The following USP49 variants were observed in gnomAD, a reference collection of about 807,000 sequenced individuals.
The protein encoded by USP49 is ubiquitin specific peptidase 49.
Under a neutral mutation model 58.6 loss-of-function variants are expected in USP49, and 24 were observed. The observed-to-expected ratio is 0.41, with a 90% CI of 0.30 to 0.58. The LOEUF (loss-of-function observed/expected upper bound fraction) is 0.58. Among genes scored for constraint, USP49 ranks in the 20% least tolerant of loss-of-function variants. USP49 has a pLI of 0.30. For synonymous variants in USP49, 408 were observed against 365.1 expected (o/e 1.12, Z -1.34); for missense variants, 703 against 866.1 (o/e 0.81, Z 2.36).
rs1302870115 is a variant in USP49, at chr6:41,848,318, C to T, written c.-29+23246G>A. ...AGGGACAAAAAAGCTACAAAATATACCAAAAACAATTAACAAAATGGCAAT... is the reference window on the plus strand; with the variant it reads ...AGGGACAAAAAAGCTACAAAATATATCAAAAACAATTAACAAAATGGCAAT... On this transcript the variant is annotated intron_variant, in intron 3 of 7. Transcript: ENST00000682992. Among the ~76,000 whole-genome samples, 5 of 151,996 alleles carry T rather than the reference C, an allele frequency of 3.3e-5. No homozygotes were observed. The East Asian group carries it at 5.8e-4, about 18-fold the overall frequency.
chr6:41,808,787 A>T (rs958319829), intron 3 of USP49, among the ~76,000 whole-genome samples: 6 of 152,162 alleles, frequency 3.9e-5, no homozygotes, highest in Non-Finnish European at 8.8e-5. Flanking sequence ...ACCAGAACTT[A>T]AAATTCCTTA....
rs1428798509 is a variant in USP49, at chr6:41,795,106, A to G, written c.*1427T>C. On this transcript the variant is annotated 3_prime_UTR_variant, in exon 8 of 8. Transcript: ENST00000682992. ...AAGTGACAACTGTACTTCTACCTGA[A>G]TTCAAACATTAATATGATATACTCA... The G allele has an allele frequency of 3.3e-5, 5 of 152,248 alleles. No homozygotes were observed. Among genetic ancestry groups the G allele is most frequent in the Non-Finnish European group, 7.3e-5 (5 of 68,040 alleles). The allele number at this position is 152,248 out of a possible 1,614,324, so 9.4% of individuals were successfully genotyped here. A position where few individuals can be genotyped will look rare whatever the true frequency, so the allele number is the denominator to read the frequency against.
intron 5 of USP49, among the ~76,000 whole-genome samples, chr6:41,802,705 T>A (rs765599692): frequency 3.2e-4 from 49 of 151,980 alleles, no homozygotes; most frequent in Non-Finnish European, 6.6e-4. Flanking sequence ...TCCAAATCTA[T>A]ATATGCCACA....
chr6:41,866,691 G>A (rs1262844176), intron 3 of USP49, among the ~76,000 whole-genome samples: 1 of 152,142 alleles, frequency 6.6e-6, no homozygotes, highest in Non-Finnish European at 1.5e-5. Context: ...ATCTTCTAAA[G>A]TCTGGATTAA....
chr6:41,886,194 AGGTG>A (rs1774707913), intron 2 of USP49, among the ~76,000 whole-genome samples: 1 of 152,240 alleles, frequency 6.6e-6, no homozygotes, highest in African/African-American at 2.4e-5. Flanking sequence ...CAATTGATAT[AGGTG>A]GTTGTATTAG....
intron 3 of USP49, among the ~76,000 whole-genome samples, chr6:41,835,707 TAAAAAAAAAAACAGAA>T (rs1561913126): frequency 1.0e-5 from 1 of 100,124 alleles, no homozygotes; most frequent in East Asian, 2.7e-4. Context: ...AGTGAGACTC[TAAAAAAAAAAACAGAA>T]AAAAAAACAC....
At chr6:41,808,303 A>G (rs1482975267) in intron 3 of USP49, among the ~76,000 whole-genome samples, 1 of 152,164 alleles carries the variant, frequency 6.6e-6, no homozygotes, top group Non-Finnish European at 1.5e-5. Flanking sequence ...AAACAGTAGA[A>G]CATCCTAAGC....
Position 41,798,824 on chromosome 6 carries a change from G to A in USP49, c.1776C>T (p.Asp592=), listed in dbSNP as rs142908633. The change falls in exon 7 of 8, where the codon GAC becomes GAT. Residue 592 remains aspartate (D), a synonymous_variant. Coordinates refer to ENST00000682992, the MANE Select transcript of USP49 (RefSeq NM_001286554.2). ...AGAGATCATAGGCAAAGGTCTCTTT[G>A]TCAAGAGAGGAGAGCATGTCCCTGC... The part of the protein sequence containing the change: ...YCCRDMLSSL[D]KETFAYDLSA... 6.2e-7 allele frequency: 1 copy of A among 1,613,930 alleles called. No individual in the cohort carries two copies. Among genetic ancestry groups the A allele is most frequent in the Non-Finnish European group, 8.5e-7 (1 of 1,179,994 alleles).
chr6:41,843,380 A>G (rs1223464173), intron 3 of USP49, among the ~76,000 whole-genome samples: 4 of 152,226 alleles, frequency 2.6e-5, no homozygotes, highest in Non-Finnish European at 5.9e-5. Context: ...AAAAAAGTGC[A>G]TCATCACGTT....
rs117098754 is a variant in USP49, at chr6:41,835,898, A to G, written c.-28-28887T>C. Among the ~76,000 whole-genome samples the G allele has an allele frequency of 8.0e-4, 121 of 152,042 alleles. 1 individual carries two copies. The East Asian group carries it at 0.023, about 29-fold the overall frequency. ...AGATCAGCCTGAGGAAGATGGTGAG[A>G]CCATCTCTACAAAAATAAAAAATAA... On this transcript the variant is annotated intron_variant, in intron 3 of 7. Transcript: ENST00000682992.
rs201890224 is a variant in USP49 at position 41,863,700 on chromosome 6, C to CCTA, written c.-29+7861_-29+7863dup. 6.2e-3 allele frequency among the ~76,000 whole-genome samples: 937 copies of CCTA among 152,252 alleles called. 7 individuals carry two copies. Among genetic ancestry groups the CCTA allele is most frequent in the African/African-American group, 0.02 (817 of 41,542 alleles). Reference sequence around the variant, plus strand: ...TGATAGTGCCTAGCACGTGATAGTGCCTAGCATATAGAAGGTGCTCAAAAA... The same window carrying CCTA: ...TGATAGTGCCTAGCACGTGATAGTGCCTACTAGCATATAGAAGGTGCTCAAAAA... On this transcript the variant is annotated intron_variant, in intron 3 of 7. Transcript: ENST00000682992.
intron 3 of USP49, among the ~76,000 whole-genome samples, chr6:41,861,859 C>T (rs966859395): frequency 6.6e-6 from 1 of 152,012 alleles, no homozygotes; most frequent in Non-Finnish European, 1.5e-5. Flanking sequence ...CCACCATGCC[C>T]GGCTAATTTT....
chr6:41,799,962 G>C, intron 5 of USP49, 24 bp from the exon 6 acceptor site: 1 of 1,606,934 alleles, frequency 6.2e-7, no homozygotes, highest in Non-Finnish European at 8.5e-7. Context: ...GAAGGTATAA[G>C]ACATAGGTTG....
chr6:41,880,320 G>A (rs1582037583), intron 2 of USP49, among the ~76,000 whole-genome samples: 2 of 152,128 alleles, frequency 1.3e-5, no homozygotes, highest in African/African-American at 4.8e-5. Flanking sequence ...AGTATTGAGA[G>A]TTCGAGAGGA....
chr6:41,812,165 C>T (rs954979532), intron 3 of USP49, among the ~76,000 whole-genome samples: 3 of 151,880 alleles, frequency 2.0e-5, no homozygotes, highest in African/African-American at 7.3e-5. Flanking sequence ...CCACAATCTC[C>T]GCCTCCCGAG....
At position 41,806,610 on chromosome 6, in the gene USP49, T is replaced by G; in HGVS notation, c.374A>C (p.Asp125Ala). The G allele has an allele frequency of 6.2e-7, 1 of 1,609,990 alleles. No homozygotes were observed. The highest frequency in any genetic ancestry group is 2.2e-5 in the East Asian group (1 of 44,834). ...AGGAGCGCGCTGCGGCAGGACCACG[T>G]CCTCACCCGAAGCCATGGACCGCAG... ...RTLRSMASGE[D>A]VVLPQRAPQG... The change falls in exon 4 of 8, where the codon GAC (aspartate) becomes GCC (alanine). Residue 125 changes from aspartate (D) to alanine (A), a missense_variant. Physicochemically the swap from Asp to Ala is moderately radical, Grantham distance 126. Around this residue, in one of 6 missense-constraint regions of USP49, gnomAD observed 376 missense variants for 373.5 expected, o/e 1.01. Coordinates refer to ENST00000682992, the MANE Select transcript of USP49 (RefSeq NM_001286554.2). This position sits in a 1 kb window ranked among gnomAD's most constrained non-coding sequence, Gnocchi z 5.9.
chr6:41,792,442 T>C lies in USP49; in HGVS notation c.*4091A>G, dbSNP rs946998905. On this transcript the variant is annotated 3_prime_UTR_variant, in exon 8 of 8. Coordinates refer to ENST00000682992, the MANE Select transcript of USP49 (RefSeq NM_001286554.2). ...AAAGGCCTTTTCTCAACATTTGTGC[T>C]CTCCCAACCACCTGGGAAAGCAACC... is the stretch of plus-strand genomic sequence containing the variant. 3 of 152,208 alleles carry C rather than the reference T, an allele frequency of 2.0e-5. No homozygotes were observed. The highest frequency in any genetic ancestry group is 7.2e-5 in the African/African-American group (3 of 41,438). 9.4% of individuals were successfully genotyped at this position (152,208 alleles called of 1,614,324 possible).
intron 2 of USP49, among the ~76,000 whole-genome samples, chr6:41,878,538 C>T (rs890312734): frequency 1.4e-4 from 21 of 152,158 alleles, no homozygotes; most frequent in African/African-American, 4.1e-4. Context: ...TTCTATATAG[C>T]ATATACCAGA....
chr6:41,841,554 T>C (rs115027189), intron 3 of USP49, among the ~76,000 whole-genome samples: 2,677 of 152,204 alleles, frequency 0.018, 76 homozygotes, highest in African/African-American at 0.059. Context: ...AAAATCACAA[T>C]CCTGGAAGAT....
Sources: allele counts gnomAD v4.1 joint callset (sites outside exome capture counted in the v4.1 genomes callset), GRCh38; gene constraint gnomAD v4.1.1; regional missense constraint gnomAD v4.1.1; non-coding constraint Gnocchi (gnomAD v3.1); transcripts MANE v1.5; gene names NCBI Gene and HGNC (gene_info 2026-07-23, HGNC 2026-07-21).